The following PTCHD4 variants were observed in gnomAD, a reference collection of about 807,000 sequenced individuals.
The protein encoded by PTCHD4 is patched domain-containing protein 4.
A neutral mutation model predicts 58.1 loss-of-function variants in PTCHD4; 33 were observed. The observed-to-expected ratio is 0.57, with a 90% CI of 0.43 to 0.76. The LOEUF (loss-of-function observed/expected upper bound fraction) is 0.76, where lower values mean the gene tolerates loss of function less well. PTCHD4 is among the 30% of genes least tolerant of loss of function. PTCHD4 has a pLI of 0.00. For missense variants in PTCHD4, 1,058 were observed against 1,027.1 expected (o/e 1.03, Z -0.41); for synonymous variants, 478 against 409.6 (o/e 1.17, Z -2.02).
intron 4 of PTCHD4, among the ~76,000 whole-genome samples, chr6:47,954,000 C>A (rs1766753783): frequency 6.6e-6 from 1 of 152,110 alleles, no homozygotes; most frequent in African/African-American, 2.4e-5. Context: ...ATAATCTCTT[C>A]CACTTTACTA....
intron 1 of PTCHD4, among the ~76,000 whole-genome samples, chr6:48,108,360 C>A (rs944336176): frequency 2.0e-5 from 3 of 151,920 alleles, no homozygotes; most frequent in African/African-American, 7.3e-5. Context: ...GACAAAAAAA[C>A]CAAACACCGC....
rs982567209 is a variant in PTCHD4, at chr6:48,078,916, A to C, written c.-969-8990T>G. On this transcript the variant is annotated intron_variant, in intron 1 of 4. Transcript: ENST00000339488. ...GGCGGATCACGAGGTTAGGATATCG[A>C]GACCATCGTGGCTAACACGGTGAAA... 3.3e-5 allele frequency among the ~76,000 whole-genome samples: 5 copies of C among 152,218 alleles called. No individual in the cohort carries two copies. In the East Asian group the frequency reaches 9.7e-4, roughly 30 times the overall value.
At chr6:47,956,736 A>G (rs533828093) in intron 4 of PTCHD4, among the ~76,000 whole-genome samples, 2 of 152,272 alleles carry the variant, frequency 1.3e-5, no homozygotes, top group Admixed American at 1.3e-4. Flanking sequence ...CCTGGCCGAG[A>G]GTATGGTTTT....
intron 4 of PTCHD4, among the ~76,000 whole-genome samples, chr6:47,911,516 A>G (rs1392446906): frequency 1.3e-5 from 2 of 152,104 alleles, no homozygotes; most frequent in Non-Finnish European, 2.9e-5. Flanking sequence ...TCCATATAGG[A>G]CCTTGTGTAA....
At chr6:48,048,873 C>T (rs332559) in intron 3 of PTCHD4, among the ~76,000 whole-genome samples, 131,246 of 151,960 alleles carry the variant, frequency 0.86, 56,673 homozygotes, top group Middle Eastern at 0.87. Context: ...TTCTTAGTGG[C>T]TTTCACTGGG....
In PTCHD4 at chr6:47,871,708, A is replaced by G. The variant is rs1327704263; in HGVS notation, c.*6595T>C. Among the ~76,000 whole-genome samples, 3 of 151,716 alleles carry G rather than the reference A, an allele frequency of 2.0e-5. No homozygotes were observed. The highest frequency in any genetic ancestry group is 4.8e-5 in the African/African-American group (2 of 41,400). On this transcript the variant is annotated 3_prime_UTR_variant, in exon 5 of 5. Transcript: ENST00000339488. Reference sequence around the variant, plus strand: ...TTAATATATTGCCATTTAATCAAAGATTGCATGCCATTTTGTCTTTAAATA... The same window carrying G: ...TTAATATATTGCCATTTAATCAAAGGTTGCATGCCATTTTGTCTTTAAATA...
intron 4 of PTCHD4, among the ~76,000 whole-genome samples, chr6:47,946,437 G>A (rs1225764888): frequency 6.6e-6 from 1 of 152,054 alleles, no homozygotes; most frequent in African/African-American, 2.4e-5. Context: ...CAACGTGTAA[G>A]GATCCTCTTT....
intron 4 of PTCHD4, among the ~76,000 whole-genome samples, chr6:47,922,632 C>A (rs533171223): frequency 4.9e-4 from 75 of 152,338 alleles, no homozygotes; most frequent in African/African-American, 1.8e-3. Flanking sequence ...GGATTTCAAT[C>A]CCCCTTCATT....
At chr6:47,939,665 T>G (rs1265092684) in intron 4 of PTCHD4, among the ~76,000 whole-genome samples, 1 of 152,096 alleles carries the variant, frequency 6.6e-6, no homozygotes, top group African/African-American at 2.4e-5. Flanking sequence ...GTGTATCTGT[T>G]TCCTCATCTC....
intron 3 of PTCHD4, among the ~76,000 whole-genome samples, chr6:48,067,112 G>A (rs1197053439): frequency 6.6e-6 from 1 of 151,992 alleles, no homozygotes; most frequent in Non-Finnish European, 1.5e-5. Context: ...TGCAGCTTCT[G>A]GGCATGAACA....
chr6:47,901,966 AGAGTT>A (rs1454587121), intron 4 of PTCHD4: 1 of 1,253,730 alleles, frequency 8.0e-7, no homozygotes, highest in African/African-American at 1.5e-5. Context: ...GTCAGTAACA[AGAGTT>A]ATGTTATATT....
At chr6:48,110,323 A>G (rs1765839142) in intron 1 of PTCHD4, among the ~76,000 whole-genome samples, 1 of 152,182 alleles carries the variant, frequency 6.6e-6, no homozygotes, top group South Asian at 2.1e-4. Context: ...GACAACATAG[A>G]TGAACCTGAA....
chr6:48,075,592 C>T (rs971821509), intron 1 of PTCHD4, among the ~76,000 whole-genome samples: 2 of 152,068 alleles, frequency 1.3e-5, no homozygotes, highest in Admixed American at 1.3e-4. Flanking sequence ...AGAAAAATTG[C>T]AGGTTCATTT....
At chr6:47,886,129 T>C (rs1050298538) in intron 4 of PTCHD4, among the ~76,000 whole-genome samples, 1 of 151,712 alleles carries the variant, frequency 6.6e-6, no homozygotes, top group African/African-American at 2.4e-5. Flanking sequence ...ATTTTTTTTT[T>C]TTTTTTTCCC....
intron 4 of PTCHD4, among the ~76,000 whole-genome samples, chr6:47,906,167 C>T (rs1439489991): frequency 6.6e-6 from 1 of 152,200 alleles, no homozygotes; most frequent in Non-Finnish European, 1.5e-5. Flanking sequence ...TCTATGAGAG[C>T]TGTGGAGTCC....
chr6:47,997,301 T>C (rs983492872), intron 4 of PTCHD4, among the ~76,000 whole-genome samples: 2 of 152,196 alleles, frequency 1.3e-5, no homozygotes, highest in African/African-American at 4.8e-5. Flanking sequence ...TCCCCATTTA[T>C]TTCTGGTAAA....
chr6:47,994,697 G>T, intron 4 of PTCHD4, among the ~76,000 whole-genome samples: 1 of 152,202 alleles, frequency 6.6e-6, no homozygotes, highest in East Asian at 1.9e-4. Flanking sequence ...CTTAGAATTA[G>T]AAGCTATTCA....
intron 4 of PTCHD4, among the ~76,000 whole-genome samples, chr6:47,958,563 C>A (rs1766958000): frequency 6.6e-6 from 1 of 152,106 alleles, no homozygotes; most frequent in Non-Finnish European, 1.5e-5. Flanking sequence ...GGTGTACTCC[C>A]TGAGTTGAGA....
chr6:48,108,029 G>T (rs1251167538), intron 1 of PTCHD4, among the ~76,000 whole-genome samples: 1 of 152,148 alleles, frequency 6.6e-6, no homozygotes, highest in East Asian at 1.9e-4. Context: ...CAACCATTGT[G>T]GAAGTCAGTG....
Sources: allele counts gnomAD v4.1 joint callset (sites outside exome capture counted in the v4.1 genomes callset), GRCh38; gene constraint gnomAD v4.1.1; transcripts MANE v1.5; gene names NCBI Gene and HGNC (gene_info 2026-07-23, HGNC 2026-07-21).